MAGI2: variants seen among roughly 807,000 people sequenced by gnomAD.
MAGI2 encodes the protein membrane-associated guanylate kinase, WW and PDZ domain-containing protein 2.
In MAGI2, 35 loss-of-function variants were observed where a neutral mutation model predicts 133.3. That is an observed-to-expected ratio of 0.26 (90% CI 0.20 to 0.35). The LOEUF is 0.35. Ranked by LOEUF, MAGI2 falls within the 10% of genes least tolerant of loss-of-function variation. The pLI is 1.00. For missense variants in MAGI2, 1,636 were observed against 1,863.4 expected (o/e 0.88, Z 2.25); for synonymous variants, 729 against 710.6 (o/e 1.03, Z -0.41).
intron 7 of MAGI2, among the ~76,000 whole-genome samples, chr7:78,357,763 CT>C (rs1036425954): frequency 1.3e-5 from 2 of 151,596 alleles, no homozygotes; most frequent in African/African-American, 4.8e-5. Context: ...TTTCTTTTGC[CT>C]TTAGTAGATC....
chr7:79,281,234 G>A (rs983013226), intron 1 of MAGI2, among the ~76,000 whole-genome samples: 3 of 152,158 alleles, frequency 2.0e-5, no homozygotes, highest in Non-Finnish European at 1.5e-5. Flanking sequence ...AAACTTTGGT[G>A]TGCATGAGAA....
intron 2 of MAGI2, among the ~76,000 whole-genome samples, chr7:78,995,532 G>T (rs946032005): frequency 6.6e-6 from 1 of 151,978 alleles, no homozygotes; most frequent in Non-Finnish European, 1.5e-5. Flanking sequence ...TCAGTCAATC[G>T]ACCTTCACTC....
intron 6 of MAGI2, among the ~76,000 whole-genome samples, chr7:78,453,900 G>A (rs368440482): frequency 2.0e-5 from 3 of 151,594 alleles, no homozygotes; most frequent in South Asian, 2.1e-4. Flanking sequence ...ATTTTTTTCC[G>A]TTTTTATTGG....
chr7:78,292,371 T>G (rs1200855865), intron 9 of MAGI2, among the ~76,000 whole-genome samples: 1 of 152,110 alleles, frequency 6.6e-6, no homozygotes, highest in South Asian at 2.1e-4. Flanking sequence ...GAATCCAACT[T>G]ACAAGGGATG....
At chr7:79,294,263 G>A (rs1697895294) in intron 1 of MAGI2, among the ~76,000 whole-genome samples, 1 of 151,656 alleles carries the variant, frequency 6.6e-6, no homozygotes, top group African/African-American at 2.4e-5. Flanking sequence ...CCTCAATTCA[G>A]CTAAAAACCA....
At chr7:79,041,325 G>C in intron 1 of MAGI2, among the ~76,000 whole-genome samples, 1 of 152,134 alleles carries the variant, frequency 6.6e-6, no homozygotes, top group East Asian at 1.9e-4. Context: ...AAAATACTAT[G>C]AGGACCTTTG....
At chr7:78,086,429 G>T (rs1358707748) in intron 20 of MAGI2, among the ~76,000 whole-genome samples, 1 of 151,374 alleles carries the variant, frequency 6.6e-6, no homozygotes, top group Admixed American at 6.6e-5. Flanking sequence ...AGTAGAGAGG[G>T]TTTTACCATG....
At chr7:78,511,551 A>AATT (rs1491533621) in intron 4 of MAGI2, among the ~76,000 whole-genome samples, 6 of 127,900 alleles carry the variant, frequency 4.7e-5, no homozygotes, top group African/African-American at 1.9e-4. Context: ...ATATATATAA[A>AATT]TTTTTTTTTT....
chr7:78,389,361 G>A (rs566492877), intron 6 of MAGI2, among the ~76,000 whole-genome samples: 5 of 152,274 alleles, frequency 3.3e-5, no homozygotes, highest in South Asian at 2.1e-4. Flanking sequence ...GACTGCTATT[G>A]AGTTCTGAAG....
intron 1 of MAGI2, among the ~76,000 whole-genome samples, chr7:79,424,142 C>G: frequency 6.6e-6 from 1 of 152,020 alleles, no homozygotes. Flanking sequence ...GGCCATATAG[C>G]TAGTGTCCAT....
At chr7:78,371,376 A>G (rs1464567898) in intron 6 of MAGI2, among the ~76,000 whole-genome samples, 1 of 151,944 alleles carries the variant, frequency 6.6e-6, no homozygotes, top group Non-Finnish European at 1.5e-5. Context: ...ATATGTATTT[A>G]TAACAGGTTT....
At chr7:79,378,972 T>TA (rs1563168442) in intron 1 of MAGI2, among the ~76,000 whole-genome samples, 16 of 76,748 alleles carry the variant, frequency 2.1e-4, no homozygotes, top group African/African-American at 6.9e-4. Flanking sequence ...ATATATATAT[T>TA]AAACTTTAAG....
At chr7:79,266,820 C>T (rs1427888175) in intron 1 of MAGI2, among the ~76,000 whole-genome samples, 3 of 152,104 alleles carry the variant, frequency 2.0e-5, no homozygotes, top group African/African-American at 4.8e-5. Flanking sequence ...CAGACACCCC[C>T]CCAAAGCAAG....
chr7:79,099,269 A>G (rs1341402813), intron 1 of MAGI2, among the ~76,000 whole-genome samples: 1 of 152,180 alleles, frequency 6.6e-6, no homozygotes. Flanking sequence ...CCAAAAGAAT[A>G]CAAATATTGA....
At chr7:78,564,655 C>T (rs1800746986) in intron 3 of MAGI2, among the ~76,000 whole-genome samples, 1 of 152,004 alleles carries the variant, frequency 6.6e-6, no homozygotes, top group African/African-American at 2.4e-5. Flanking sequence ...AATATGTTAC[C>T]CTCTGTCTAT....
chr7:79,003,452 G>C (rs955219686), intron 2 of MAGI2, among the ~76,000 whole-genome samples: 1 of 152,164 alleles, frequency 6.6e-6, no homozygotes, highest in Non-Finnish European at 1.5e-5. Context: ...GCCAATGCTA[G>C]ATTAAACAAG....
intron 21 of MAGI2, among the ~76,000 whole-genome samples, chr7:78,051,534 G>GCC (rs1248115215): frequency 2.0e-5 from 3 of 152,186 alleles, no homozygotes; most frequent in African/African-American, 7.2e-5. Context: ...TGCAGCCATT[G>GCC]CGTAGCCATT....
intron 2 of MAGI2, among the ~76,000 whole-genome samples, chr7:78,949,309 T>G (rs1195089193): frequency 6.6e-6 from 1 of 152,196 alleles, no homozygotes; most frequent in Non-Finnish European, 1.5e-5. Flanking sequence ...TGTTTTATTT[T>G]GTATTTGAAA....
At chr7:79,353,014 C>T (rs182777687) in intron 1 of MAGI2, among the ~76,000 whole-genome samples, 1 of 152,156 alleles carries the variant, frequency 6.6e-6, no homozygotes, top group East Asian at 1.9e-4. Flanking sequence ...GGTAGGTTCT[C>T]TTATCTCTAT....
Sources: gnomAD v4.1 joint callset for allele counts (sites outside exome capture counted in the v4.1 genomes callset) on GRCh38, gnomAD v4.1.1 for gene constraint, MANE v1.5 for transcripts, NCBI Gene and HGNC (gene_info 2026-07-23, HGNC 2026-07-21) for gene names.